Variants in CCBE1 observed in about 807,000 individuals in gnomAD.
The protein encoded by CCBE1 is collagen and calcium-binding EGF domain-containing protein 1.
CCBE1 carries 37 observed loss-of-function variants against 50.0 expected under a neutral mutation model. The observed-to-expected ratio is 0.74, with a 90% CI of 0.57 to 0.97. The LOEUF is 0.97. Ranked by LOEUF, CCBE1 falls within the 50% of genes least tolerant of loss-of-function variation. CCBE1 has a pLI of 0.00. For missense variants in CCBE1, 538 were observed against 523.8 expected, an observed-to-expected ratio of 1.03 and a Z score of -0.26; for synonymous variants, 234 against 203.7, an observed-to-expected ratio of 1.15 and a Z score of -1.27.
chr18:59,533,443 CTT>C (rs1345099996), intron 2 of CCBE1, among the ~76,000 whole-genome samples: 1 of 152,124 alleles, frequency 6.6e-6, no homozygotes, highest in African/African-American at 2.4e-5. Context: ...AAAGAGAACA[CTT>C]TTTCTTGTAT....
At chr18:59,554,825 G>A (rs1368684299) in intron 2 of CCBE1, among the ~76,000 whole-genome samples, 1 of 151,632 alleles carries the variant, frequency 6.6e-6, no homozygotes, top group Admixed American at 6.6e-5. Flanking sequence ...GGAGACAAAA[G>A]AAGGGGTAGG....
chr18:59,647,405 A>G (rs1200479977), intron 2 of CCBE1, among the ~76,000 whole-genome samples: 1 of 152,244 alleles, frequency 6.6e-6, no homozygotes, highest in African/African-American at 2.4e-5. Context: ...GATATGCACT[A>G]AAACAGCAAT....
At chr18:59,622,332 C>A (rs1238116335) in intron 2 of CCBE1, among the ~76,000 whole-genome samples, 4 of 152,122 alleles carry the variant, frequency 2.6e-5, no homozygotes, top group Non-Finnish European at 5.9e-5. Context: ...CTTGTCTCTA[C>A]CAAAAATACA....
intron 6 of CCBE1, among the ~76,000 whole-genome samples, chr18:59,452,987 G>A (rs1458835062): frequency 2.0e-5 from 3 of 152,294 alleles, no homozygotes; most frequent in Admixed American, 1.3e-4. Context: ...CTCTCCAGCA[G>A]GGTCTTTGAG....
chr18:59,549,316 C>T (rs1293267501), intron 2 of CCBE1, among the ~76,000 whole-genome samples: 1 of 152,074 alleles, frequency 6.6e-6, no homozygotes, highest in Non-Finnish European at 1.5e-5. Context: ...AGCCATTCTT[C>T]TTATTCTTCT....
Position 59,431,404 on chromosome 18 carries a change from C to A in CCBE1, c.*4504G>T, listed in dbSNP as rs7230906. On this transcript the variant is annotated 3_prime_UTR_variant, in exon 11 of 11. Coordinates refer to ENST00000439986, the MANE Select transcript of CCBE1 (RefSeq NM_133459.4). Reference sequence around the variant, plus strand: ...TTCTACTTGTTGTTTGGCCTGGATTCCTCCAATAACTTTCCTTTTCAGGAA... The same window carrying A: ...TTCTACTTGTTGTTTGGCCTGGATTACTCCAATAACTTTCCTTTTCAGGAA... 6.6e-6 allele frequency: 1 copy of A among 152,110 alleles called. No individual in the cohort carries two copies. Among genetic ancestry groups the A allele is most frequent in the East Asian group, 1.9e-4 (1 of 5,180 alleles). 9.4% of individuals were successfully genotyped at this position (152,110 alleles called of 1,614,324 possible).
intron 5 of CCBE1, among the ~76,000 whole-genome samples, chr18:59,460,822 C>A (rs1304933370): frequency 6.6e-6 from 1 of 152,044 alleles, no homozygotes; most frequent in African/African-American, 2.4e-5. Context: ...GTAATCCCAG[C>A]TACTTGGGAG....
chr18:59,528,112 C>T (rs191777685), intron 2 of CCBE1, among the ~76,000 whole-genome samples: 33 of 152,258 alleles, frequency 2.2e-4, no homozygotes, highest in Admixed American at 1.9e-3. Flanking sequence ...TTTCAGGTAC[C>T]CCAATCAGTT....
At chr18:59,544,562 C>T (rs1168325266) in intron 2 of CCBE1, among the ~76,000 whole-genome samples, 1 of 152,212 alleles carries the variant, frequency 6.6e-6, no homozygotes, top group Non-Finnish European at 1.5e-5. Context: ...TCTCTCAGGT[C>T]CTTCCCTTTC....
At chr18:59,558,650 G>A (rs1241718027) in intron 2 of CCBE1, among the ~76,000 whole-genome samples, 2 of 152,192 alleles carry the variant, frequency 1.3e-5, no homozygotes, top group Non-Finnish European at 2.9e-5. Flanking sequence ...GGTTTGACAT[G>A]GCGGGCATGC....
intron 2 of CCBE1, among the ~76,000 whole-genome samples, chr18:59,635,052 A>G (rs1031907267): frequency 1.3e-5 from 2 of 152,252 alleles, no homozygotes; most frequent in Non-Finnish European, 2.9e-5. Context: ...AGAAATTCCA[A>G]CTGAGGAAAG....
intron 10 of CCBE1, 108 bp downstream of exon 10, chr18:59,438,003 G>A: frequency 2.1e-6 from 2 of 964,938 alleles, no homozygotes; most frequent in Non-Finnish European, 1.7e-6. Flanking sequence ...TGGGCTGAGT[G>A]GCATCAGGAA....
In CCBE1 at chr18:59,435,817, T is replaced by C. The variant is rs923373229; in HGVS notation, c.*91A>G. On this transcript the variant is annotated 3_prime_UTR_variant, in exon 11 of 11. Transcript: ENST00000439986. ...AGAGAAGAGAAAAATGTATGTTTTC[T>C]AGGTCTCCAGTGGTCTTTCTTCTCT... 13 of 1,099,760 alleles carry C rather than the reference T, an allele frequency of 1.2e-5. No homozygotes were observed. The highest frequency in any genetic ancestry group is 1.8e-5 in the Non-Finnish European group (13 of 712,124). The allele number at this position is 1,099,760 out of a possible 1,614,324, so 68.1% of individuals were successfully genotyped here.
At chr18:59,671,967 C>A (rs2054438538) in intron 2 of CCBE1, among the ~76,000 whole-genome samples, 2 of 152,086 alleles carry the variant, frequency 1.3e-5, no homozygotes, top group East Asian at 1.9e-4. Flanking sequence ...GCAAAGCCTG[C>A]AAAACCCTCA....
At chr18:59,604,476 T>C (rs2053470948) in intron 2 of CCBE1, among the ~76,000 whole-genome samples, 1 of 152,232 alleles carries the variant, frequency 6.6e-6, no homozygotes, top group Non-Finnish European at 1.5e-5. Flanking sequence ...TGGCCCTCTC[T>C]ATAGTCCATG....
intron 2 of CCBE1, among the ~76,000 whole-genome samples, chr18:59,564,363 CTATA>C (rs1243747231): frequency 6.6e-6 from 1 of 152,098 alleles, no homozygotes; most frequent in Non-Finnish European, 1.5e-5. Flanking sequence ...AAATGAGATA[CTATA>C]TATATACACA....
intron 2 of CCBE1, among the ~76,000 whole-genome samples, chr18:59,528,985 C>A (rs1914940261): frequency 1.3e-5 from 2 of 152,194 alleles, no homozygotes; most frequent in African/African-American, 4.8e-5. Flanking sequence ...ACTCTGGCTG[C>A]CTCTTGGCGG....
chr18:59,658,892 A>C (rs914355154), intron 2 of CCBE1, among the ~76,000 whole-genome samples: 2 of 150,816 alleles, frequency 1.3e-5, no homozygotes. Flanking sequence ...AAAAAAAAAA[A>C]AAAAAAAAAA....
chr18:59,510,451 T>C (rs980023867), intron 2 of CCBE1, among the ~76,000 whole-genome samples: 2 of 152,180 alleles, frequency 1.3e-5, no homozygotes, highest in African/African-American at 4.8e-5. Flanking sequence ...GATGGAGTTT[T>C]GCCCTTGTCA....
Sources: gnomAD v4.1 joint callset for allele counts (sites outside exome capture counted in the v4.1 genomes callset) on GRCh38, gnomAD v4.1.1 for gene constraint, MANE v1.5 for transcripts, NCBI Gene and HGNC (gene_info 2026-07-23, HGNC 2026-07-21) for gene names.